NELL2: variants seen among roughly 807,000 people sequenced by gnomAD.
NELL2 encodes the protein neural EGFL like 2, also known as protein kinase C-binding protein NELL2.
In NELL2, 41 loss-of-function variants were observed where a neutral mutation model predicts 109.6. The ratio of observed to expected loss-of-function variants is 0.37; its 90% CI spans 0.29 to 0.49. The LOEUF (loss-of-function observed/expected upper bound fraction) is 0.49. NELL2 is among the 20% of genes least tolerant of loss of function. The probability of loss-of-function intolerance (pLI) is 0.98; values close to 1 mark genes in which losing one functional copy is unlikely to be tolerated. For synonymous variants in NELL2, 355 were observed against 344.7 expected (o/e 1.03, Z -0.33); for missense variants, 900 against 1,008.3 (o/e 0.89, Z 1.45).
At chr12:44,756,464 TC>T (rs774524525) in intron 9 of NELL2, among the ~76,000 whole-genome samples, 1 of 152,000 alleles carries the variant, frequency 6.6e-6, no homozygotes, top group Non-Finnish European at 1.5e-5. Context: ...CCATGCATCC[TC>T]CCATTCACAG....
At chr12:44,887,862 C>T (rs548802675) in intron 1 of NELL2, among the ~76,000 whole-genome samples, 2 of 151,970 alleles carry the variant, frequency 1.3e-5, no homozygotes, top group Non-Finnish European at 2.9e-5. Flanking sequence ...TCTAATTTTG[C>T]TTTGGTTCTC....
At chr12:44,730,833 T>A (rs935463302) in intron 9 of NELL2, among the ~76,000 whole-genome samples, 2 of 151,922 alleles carry the variant, frequency 1.3e-5, no homozygotes, top group African/African-American at 4.8e-5. Context: ...CCTACTAACA[T>A]AAGGGTTGTT....
At chr12:44,698,005 AAAG>A (rs1379766128) in intron 12 of NELL2, among the ~76,000 whole-genome samples, 1 of 152,162 alleles carries the variant, frequency 6.6e-6, no homozygotes, top group Non-Finnish European at 1.5e-5. Flanking sequence ...TCCTTGGCTT[AAAG>A]TCACATCATC....
At chr12:44,663,291 G>T (rs1169663965) in intron 13 of NELL2, among the ~76,000 whole-genome samples, 1 of 151,762 alleles carries the variant, frequency 6.6e-6, no homozygotes, top group East Asian at 1.9e-4. Context: ...CCTGACTCTG[G>T]ACTAAAAATA....
At chr12:44,730,701 AC>A (rs1939323465) in intron 9 of NELL2, among the ~76,000 whole-genome samples, 1 of 152,076 alleles carries the variant, frequency 6.6e-6, no homozygotes, top group Non-Finnish European at 1.5e-5. Context: ...AAAGAACCTA[AC>A]TAAACACCTC....
exon 1 of NELL2, chr12:44,913,863 CT>C: frequency 2.9e-6 from 2 of 692,838 alleles, no homozygotes; most frequent in East Asian, 4.2e-5. Context: ...CTAAAAGGTT[CT>C]TTTTTCACTT....
At chr12:44,782,719 C>T (rs1243942551) in intron 3 of NELL2, among the ~76,000 whole-genome samples, 8 of 151,640 alleles carry the variant, frequency 5.3e-5, no homozygotes, top group Non-Finnish European at 8.8e-5. Flanking sequence ...TGTGTATTAC[C>T]GAAAACACAG....
intron 19 of NELL2, among the ~76,000 whole-genome samples, chr12:44,512,870 A>G (rs1420591575): frequency 6.6e-6 from 1 of 152,052 alleles, no homozygotes; most frequent in Non-Finnish European, 1.5e-5. Context: ...ACACAGCTAG[A>G]TAGGAGGAAT....
chr12:44,617,767 A>C (rs1485075937), intron 13 of NELL2, among the ~76,000 whole-genome samples: 1 of 151,724 alleles, frequency 6.6e-6, no homozygotes, highest in Non-Finnish European at 1.5e-5. Flanking sequence ...ATTGCTTGCA[A>C]CAATAAGGAC....
At chr12:44,606,866 T>C (rs888245898) in intron 15 of NELL2, among the ~76,000 whole-genome samples, 2 of 152,080 alleles carry the variant, frequency 1.3e-5, no homozygotes, top group African/African-American at 4.8e-5. Flanking sequence ...CCAGTAAAAA[T>C]GGATTCCAAA....
At chr12:44,742,174 A>T (rs1199288974) in intron 9 of NELL2, among the ~76,000 whole-genome samples, 1 of 152,174 alleles carries the variant, frequency 6.6e-6, no homozygotes, top group Non-Finnish European at 1.5e-5. Context: ...TTCTGCAGCC[A>T]CTGCTGCTGA....
At chr12:44,736,261 G>A (rs560372169) in intron 9 of NELL2, among the ~76,000 whole-genome samples, 10 of 151,496 alleles carry the variant, frequency 6.6e-5, no homozygotes, top group Non-Finnish European at 1.2e-4. Context: ...CGCCCGTCTC[G>A]GCCTCCCAAA....
intron 13 of NELL2, among the ~76,000 whole-genome samples, chr12:44,628,944 A>G (rs1359324297): frequency 1.3e-5 from 2 of 152,186 alleles, no homozygotes; most frequent in East Asian, 3.8e-4. Context: ...ACTAGTGAAT[A>G]TGCAGGTGAG....
chr12:44,706,507 C>T (rs898831534), intron 11 of NELL2, among the ~76,000 whole-genome samples: 2 of 152,136 alleles, frequency 1.3e-5, no homozygotes, highest in African/African-American at 4.8e-5. Context: ...GAGTTTACAT[C>T]TGATCTCTGC....
At chr12:44,746,144 C>T (rs892355053) in intron 9 of NELL2, among the ~76,000 whole-genome samples, 14 of 152,080 alleles carry the variant, frequency 9.2e-5, no homozygotes, top group Non-Finnish European at 1.3e-4. Context: ...AATAATGCCG[C>T]GTATCTACAA....
intron 3 of NELL2, among the ~76,000 whole-genome samples, chr12:44,802,352 T>C (rs1942860042): frequency 1.3e-5 from 2 of 152,114 alleles, no homozygotes; most frequent in Admixed American, 6.6e-5. Flanking sequence ...ATCAATAACT[T>C]AATGAAATAA....
At chr12:44,759,062 T>C (rs1941011359) in intron 9 of NELL2, among the ~76,000 whole-genome samples, 2 of 152,124 alleles carry the variant, frequency 1.3e-5, no homozygotes, top group African/African-American at 4.8e-5. Flanking sequence ...GTAAGAATCA[T>C]GTTGCTGAGG....
intron 9 of NELL2, among the ~76,000 whole-genome samples, chr12:44,753,754 T>C (rs73277265): frequency 0.033 from 4,965 of 152,320 alleles, 294 homozygotes; most frequent in African/African-American, 0.11. Flanking sequence ...TCTGTAAATA[T>C]GAACTAGTAT....
intron 3 of NELL2, among the ~76,000 whole-genome samples, chr12:44,785,108 A>G (rs1489459148): frequency 6.6e-6 from 1 of 152,226 alleles, no homozygotes; most frequent in Non-Finnish European, 1.5e-5. Flanking sequence ...TTTGCAGATG[A>G]CATGATTGTA....
Sources: allele counts gnomAD v4.1 joint callset (sites outside exome capture counted in the v4.1 genomes callset), GRCh38; gene constraint gnomAD v4.1.1; transcripts MANE v1.5; gene names NCBI Gene and HGNC (gene_info 2026-07-23, HGNC 2026-07-21).